LMNTD1: variants seen among roughly 807,000 people sequenced by gnomAD.
LMNTD1 encodes the protein lamin tail domain-containing protein 1.
In LMNTD1, 35 loss-of-function variants were observed where a neutral mutation model predicts 50.9. The observed-to-expected ratio is 0.69, with a 90% CI of 0.53 to 0.91. The LOEUF (loss-of-function observed/expected upper bound fraction) is 0.91, where lower values mean the gene tolerates loss of function less well. Ranked by LOEUF, LMNTD1 falls within the 40% of genes least tolerant of loss-of-function variation. The probability of loss-of-function intolerance (pLI) is 0.00; values close to 1 mark genes in which losing one functional copy is unlikely to be tolerated. For missense variants in LMNTD1, 470 were observed against 475.5 expected, an observed-to-expected ratio of 0.99 and a Z score of 0.11; for synonymous variants, 153 against 161.9, an observed-to-expected ratio of 0.94 and a Z score of 0.42.
intron 9 of LMNTD1, among the ~76,000 whole-genome samples, chr12:25,495,049 C>G (rs1215150264): frequency 6.6e-6 from 1 of 152,008 alleles, no homozygotes; most frequent in African/African-American, 2.4e-5. Flanking sequence ...TGCTAATGTC[C>G]CCTCTACTTA....
chr12:25,588,781 T>G (rs1213338212), intron 1 of LMNTD1, among the ~76,000 whole-genome samples: 2 of 152,022 alleles, frequency 1.3e-5, no homozygotes, highest in Non-Finnish European at 2.9e-5. Context: ...TATTTCACAA[T>G]TAAAAAGGGA....
At chr12:25,588,873 A>T (rs1371189612) in intron 1 of LMNTD1, among the ~76,000 whole-genome samples, 2 of 149,654 alleles carry the variant, frequency 1.3e-5, no homozygotes. Flanking sequence ...TTCATTAAAT[A>T]TAAGAAATAT....
rs1943848109 is a variant in LMNTD1, at chr12:25,552,862, C to G, written c.89+9G>C. ...TAACTCTGCTTCCATCGCATCTATG[C>G]ATGCTCACTGTTTTTGTTTCTCATT... On this transcript the variant is annotated intron_variant, in intron 2 of 9. Transcript: ENST00000458174. 1.4e-6 allele frequency: 2 copies of G among 1,478,780 alleles called. No homozygotes were observed. Among genetic ancestry groups the G allele is most frequent in the African/African-American group, 2.8e-5 (2 of 71,628 alleles). The allele number at this position is 1,478,780 out of a possible 1,614,324, so 91.6% of individuals were successfully genotyped here.
At chr12:25,554,707 T>A (rs1943961049), upstream of LMNTD1, among the ~76,000 whole-genome samples, 1 of 152,170 alleles carries the variant, frequency 6.6e-6, no homozygotes, top group Non-Finnish European at 1.5e-5. Context: ...ATAATCCTAC[T>A]TAGTAAATAG....
intron 8 of LMNTD1, among the ~76,000 whole-genome samples, chr12:25,513,269 T>C (rs895294168): frequency 2.0e-5 from 3 of 152,140 alleles, no homozygotes; most frequent in Non-Finnish European, 4.4e-5. Context: ...GCCAATGCAA[T>C]AATGCAAGAA....
chr12:25,609,934 T>A (rs534754555), intron 1 of LMNTD1, among the ~76,000 whole-genome samples: 39 of 152,336 alleles, frequency 2.6e-4, no homozygotes, highest in Admixed American at 8.5e-4. Flanking sequence ...TTTTCAGCTA[T>A]GCCCAGCCCC....
Position 25,526,907 on chromosome 12 carries a change from G to A in LMNTD1, c.540C>T (p.Phe180=), listed in dbSNP as rs35628916. 6.0e-3 allele frequency: 9,640 copies of A among 1,611,118 alleles called. 546 individuals are homozygous for A. The African/African-American group carries it at 0.11, about 19-fold the overall frequency. ...EIAEVNVKGL[F]VKLINSSLDK... ...CAAGGGAAGAGTTAATGAGCTTCAC[G>A]AACAAACCCTTGACATTCACTTCAG... The change falls in exon 5 of 10, where the codon TTC becomes TTT. Residue 180 remains phenylalanine (F), a synonymous_variant. Transcript: ENST00000458174.
intron 1 of LMNTD1, among the ~76,000 whole-genome samples, chr12:25,634,691 G>A (rs1211484955): frequency 6.6e-6 from 1 of 152,124 alleles, no homozygotes; most frequent in Non-Finnish European, 1.5e-5. Context: ...CAAACCCACA[G>A]CCAACATAAT....
intron 1 of LMNTD1, among the ~76,000 whole-genome samples, chr12:25,612,234 A>T (rs1946260717): frequency 6.6e-6 from 1 of 151,986 alleles, no homozygotes; most frequent in African/African-American, 2.4e-5. Flanking sequence ...AACAATCTGG[A>T]AAAAAGTATA....
intron 1 of LMNTD1, among the ~76,000 whole-genome samples, chr12:25,619,252 C>CTCTCTCTCTCTCTA (rs1374134268): frequency 2.4e-5 from 2 of 84,450 alleles, no homozygotes; most frequent in African/African-American, 1.0e-4. Flanking sequence ...CTCTCTCTCT[C>CTCTCTCTCTCTCTA]TATATATATA....
At chr12:25,578,983 T>C (rs1482284914) in intron 1 of LMNTD1, among the ~76,000 whole-genome samples, 11 of 152,188 alleles carry the variant, frequency 7.2e-5, no homozygotes, top group Non-Finnish European at 1.3e-4. Context: ...CCTGATTCTG[T>C]TCTTAGACAA....
intron 8 of LMNTD1, among the ~76,000 whole-genome samples, chr12:25,518,163 G>A (rs752512319): frequency 1.1e-4 from 16 of 152,166 alleles, no homozygotes; most frequent in Non-Finnish European, 2.2e-4. Flanking sequence ...GTTGAGTCTG[G>A]TTCCTTCTTG....
intron 1 of LMNTD1, among the ~76,000 whole-genome samples, chr12:25,602,983 C>A (rs1946012627): frequency 6.6e-6 from 1 of 151,932 alleles, no homozygotes; most frequent in African/African-American, 2.4e-5. Flanking sequence ...CAAACAGAAA[C>A]CTGCAGCAAT....
chr12:25,545,991 G>A (rs924595991), intron 4 of LMNTD1, among the ~76,000 whole-genome samples: 2 of 151,462 alleles, frequency 1.3e-5, no homozygotes, highest in Non-Finnish European at 3.0e-5. Flanking sequence ...TCATAAAAAT[G>A]GATCAATGAA....
At chr12:25,600,875 T>C (rs1247714530) in intron 1 of LMNTD1, among the ~76,000 whole-genome samples, 1 of 152,072 alleles carries the variant, frequency 6.6e-6, no homozygotes, top group Non-Finnish European at 1.5e-5. Flanking sequence ...ACAGCCACTA[T>C]GGACAACAGT....
intron 1 of LMNTD1, chr12:25,592,999 C>G (rs969989746): frequency 2.6e-5 from 4 of 152,130 alleles, no homozygotes; most frequent in Non-Finnish European, 5.9e-5. Context: ...CAGTCATAAT[C>G]CGCCTAGGAA....
At chr12:25,508,694 T>C (rs1332641389) in intron 8 of LMNTD1, among the ~76,000 whole-genome samples, 1 of 152,178 alleles carries the variant, frequency 6.6e-6, no homozygotes, top group African/African-American at 2.4e-5. Flanking sequence ...TATATTCATT[T>C]TTCTTGCCTT....
chr12:25,482,511 T>C (rs769177885), intron 9 of LMNTD1, among the ~76,000 whole-genome samples: 1 of 152,000 alleles, frequency 6.6e-6, no homozygotes. Flanking sequence ...TGACAATGAA[T>C]TGGGGATGTC....
In LMNTD1 at chr12:25,501,817, A is replaced by G. The variant is rs149543109; in HGVS notation, c.*22+1921T>C. Among the ~76,000 whole-genome samples, 183 of 152,322 alleles carry G rather than the reference A, an allele frequency of 1.2e-3. 1 individual carries two copies. Among genetic ancestry groups the G allele is most frequent in the Non-Finnish European group, 2.3e-3 (159 of 68,022 alleles). ...CTGAACAATTTTCCACAAACTGACA[A>G]GTCCGACTCAGGAGCTGATAGCAAT... On this transcript the variant is annotated intron_variant, in intron 9 of 9. Transcript: ENST00000458174.
Sources: allele counts gnomAD v4.1 joint callset (sites outside exome capture counted in the v4.1 genomes callset), GRCh38; gene constraint gnomAD v4.1.1; transcripts MANE v1.5; gene names NCBI Gene and HGNC (gene_info 2026-07-23, HGNC 2026-07-21).